Variants in TAFA2 observed in about 807,000 individuals in gnomAD.
TAFA2 encodes chemokine-like protein TAFA-2.
A neutral mutation model predicts 18.8 loss-of-function variants in TAFA2; 7 were observed. That is an observed-to-expected ratio of 0.37 (90% CI 0.21 to 0.70). The LOEUF is 0.70. Ranked by LOEUF, TAFA2 falls within the 30% of genes least tolerant of loss-of-function variation. The pLI, the probability that TAFA2 is intolerant of heterozygous loss-of-function variation, is 0.53. For missense variants in TAFA2, 122 were observed against 158.1 expected (o/e 0.77, Z 1.23); for synonymous variants, 60 against 54.2 (o/e 1.11, Z -0.47).
intron 1 of TAFA2, among the ~76,000 whole-genome samples, chr12:62,098,956 GT>G (rs1242661758): frequency 4.6e-5 from 7 of 152,086 alleles, no homozygotes; most frequent in African/African-American, 1.7e-4. Context: ...CACATTAAAT[GT>G]TTGCTTAATA....
At chr12:62,209,949 C>A (rs1202192313) in intron 1 of TAFA2, among the ~76,000 whole-genome samples, 3 of 152,084 alleles carry the variant, frequency 2.0e-5, no homozygotes, top group Admixed American at 6.6e-5. Flanking sequence ...GCCTGTAATC[C>A]CAGCACCTTG....
intron 1 of TAFA2, among the ~76,000 whole-genome samples, chr12:61,885,918 G>T (rs1875356706): frequency 6.6e-6 from 1 of 152,060 alleles, no homozygotes; most frequent in Non-Finnish European, 1.5e-5. Flanking sequence ...TCTCCTTCCA[G>T]GTTTTTTATT....
intron 2 of TAFA2, among the ~76,000 whole-genome samples, chr12:61,854,317 A>T (rs571196306): frequency 1.3e-5 from 2 of 152,318 alleles, no homozygotes; most frequent in South Asian, 4.1e-4. Flanking sequence ...CCAAAAAATT[A>T]TAGCAGAAAG....
intron 1 of TAFA2, among the ~76,000 whole-genome samples, chr12:62,034,486 A>G (rs189533654): frequency 1.3e-5 from 2 of 152,332 alleles, no homozygotes; most frequent in East Asian, 3.9e-4. Context: ...TAATAAATAG[A>G]TTAATCGTTT....
rs77768620 is a variant in TAFA2, at chr12:62,014,355, G to A, written c.-1-146929C>T. ...CTTCAAAATGATGTTCTGGCTGTGCGCAGTGACTCATGCCTGTAATCCCGG... is the reference window on the plus strand; with the variant it reads ...CTTCAAAATGATGTTCTGGCTGTGCACAGTGACTCATGCCTGTAATCCCGG... On this transcript the variant is annotated intron_variant, in intron 1 of 4. Coordinates refer to ENST00000416284, the MANE Select transcript of TAFA2 (RefSeq NM_178539.5). Among the ~76,000 whole-genome samples the A allele has an allele frequency of 6.6e-4, 100 of 152,250 alleles. 1 individual carries two copies. In the East Asian group the frequency reaches 0.014, roughly 22 times the overall value.
At chr12:61,981,255 T>C (rs1187325123) in intron 1 of TAFA2, among the ~76,000 whole-genome samples, 1 of 152,184 alleles carries the variant, frequency 6.6e-6, no homozygotes, top group African/African-American at 2.4e-5. Flanking sequence ...TGGCTAGCTA[T>C]ATGTAGAAAG....
chr12:62,123,026 T>C (rs991511123), intron 1 of TAFA2, among the ~76,000 whole-genome samples: 1 of 152,214 alleles, frequency 6.6e-6, no homozygotes, highest in South Asian at 2.1e-4. Flanking sequence ...GCTACAGGTA[T>C]CTACATATTT....
intron 1 of TAFA2, among the ~76,000 whole-genome samples, chr12:62,118,939 A>C (rs1257195782): frequency 6.6e-6 from 1 of 152,126 alleles, no homozygotes; most frequent in Non-Finnish European, 1.5e-5. Context: ...TTTTAATTTT[A>C]ATATAGCAAA....
chr12:62,191,076 C>T (rs999258848), intron 1 of TAFA2, among the ~76,000 whole-genome samples, 183 bp downstream of exon 1: 1 of 152,152 alleles, frequency 6.6e-6, no homozygotes, highest in African/African-American at 2.4e-5. Context: ...AGGGAGACGC[C>T]GGCCGATGGA....
intron 1 of TAFA2, among the ~76,000 whole-genome samples, chr12:61,886,021 A>G (rs959869476): frequency 2.0e-5 from 3 of 152,204 alleles, no homozygotes; most frequent in African/African-American, 7.2e-5. Context: ...AATCAATGGC[A>G]CGCACTCAAC....
intron 1 of TAFA2, among the ~76,000 whole-genome samples, chr12:61,890,089 T>C (rs903507087): frequency 6.6e-6 from 1 of 152,254 alleles, no homozygotes; most frequent in Non-Finnish European, 1.5e-5. Flanking sequence ...TTTCTTACTG[T>C]ACCATGAGCA....
chr12:61,909,979 C>T (rs907437748), intron 1 of TAFA2, among the ~76,000 whole-genome samples: 5 of 152,046 alleles, frequency 3.3e-5, no homozygotes, highest in Non-Finnish European at 1.5e-5. Context: ...GACAAAAATA[C>T]GTAAGACAAA....
At chr12:61,998,792 A>G (rs557519229) in intron 1 of TAFA2, among the ~76,000 whole-genome samples, 2 of 152,338 alleles carry the variant, frequency 1.3e-5, no homozygotes, top group South Asian at 4.1e-4. Flanking sequence ...GAAGAAAAAC[A>G]AGGGAGGGGC....
At chr12:62,104,903 T>C (rs1869378458) in intron 1 of TAFA2, 1 of 246,758 alleles carries the variant, frequency 4.1e-6, no homozygotes, top group Non-Finnish European at 8.4e-6. Context: ...GATGTTTACA[T>C]TTCAAAACGT....
At chr12:62,258,799 C>A in exon 1 of TAFA2, 1 of 343,940 alleles carries the variant, frequency 2.9e-6, no homozygotes, top group Non-Finnish European at 5.9e-6. Flanking sequence ...CCATATTCTG[C>A]AGCTTCCCTT....
intron 1 of TAFA2, chr12:62,207,330 A>T (rs1407409126): frequency 6.6e-6 from 1 of 152,210 alleles, no homozygotes; most frequent in African/African-American, 2.4e-5. Context: ...ATTTATTTTA[A>T]TATCCAATAA....
intron 1 of TAFA2, among the ~76,000 whole-genome samples, chr12:62,092,984 C>T (rs1397284665): frequency 2.6e-5 from 4 of 151,938 alleles, no homozygotes; most frequent in Admixed American, 6.6e-5. Context: ...TACATATCAG[C>T]GAAGGCTTTA....
chr12:61,811,170 G>A (rs1329296130), intron 2 of TAFA2, among the ~76,000 whole-genome samples: 1 of 151,304 alleles, frequency 6.6e-6, no homozygotes, highest in African/African-American at 2.5e-5. Context: ...TTAGTTATTA[G>A]TAGTAATAAT....
Position 62,087,950 on chromosome 12 carries a change from C to A in TAFA2, c.-2+103309G>T, listed in dbSNP as rs146442474. On this transcript the variant is annotated intron_variant, in intron 1 of 4. Coordinates refer to ENST00000416284, the MANE Select transcript of TAFA2 (RefSeq NM_178539.5). ...CTGTTTTCATTATAAATAGGGTAAT[C>A]ATACATTCCCTGTTTCCCTGGGACA... 2.8e-3 allele frequency among the ~76,000 whole-genome samples: 431 copies of A among 152,172 alleles called. 1 individual carries two copies. The highest frequency in any genetic ancestry group is 9.6e-3 in the African/African-American group (399 of 41,532).
Sources: allele counts gnomAD v4.1 joint callset (sites outside exome capture counted in the v4.1 genomes callset), GRCh38; gene constraint gnomAD v4.1.1; transcripts MANE v1.5; gene names NCBI Gene and HGNC (gene_info 2026-07-23, HGNC 2026-07-21).